SLC35E2B: variants seen among roughly 807,000 people sequenced by gnomAD.
The protein encoded by SLC35E2B is solute carrier family 35, member E2B.
Under a neutral mutation model 32.4 loss-of-function variants are expected in SLC35E2B, and 18 were observed. The ratio of observed to expected loss-of-function variants is 0.56; its 90% CI spans 0.38 to 0.82. SLC35E2B has a LOEUF of 0.82. Among genes scored for constraint, SLC35E2B ranks in the 40% least tolerant of loss-of-function variants. The pLI is 0.00. For synonymous variants in SLC35E2B, 132 were observed against 209.1 expected, an observed-to-expected ratio of 0.63 and a Z score of 3.18; for missense variants, 263 against 469.5, an observed-to-expected ratio of 0.56 and a Z score of 4.06.
At position 1,669,669 on chromosome 1, in the gene SLC35E2B, AG is replaced by A; in HGVS notation, c.828del (p.Phe277LeufsTer6). The A allele has an allele frequency of 6.6e-7, 1 of 1,525,456 alleles. No homozygotes were observed. The highest frequency in any genetic ancestry group is 8.9e-7 in the Non-Finnish European group (1 of 1,127,006). The allele number at this position is 1,525,456 out of a possible 1,614,324, so 94.5% of individuals were successfully genotyped here. ...AVAMLVPARV[F>X]FTDVPVIGRS... ...CGCCTGTGTCTGAAACCCACCGTAA[AG>A]AAAACCCGGGCCGGGACGAGCATGG... On this transcript the variant is annotated frameshift_variant, in exon 8 of 10. Transcript: ENST00000617444. LOFTEE classifies it high-confidence loss of function.
intron 5 of SLC35E2B, among the ~76,000 whole-genome samples, chr1:1,674,919 A>T (rs1643803502): frequency 6.6e-6 from 1 of 152,136 alleles, no homozygotes; most frequent in South Asian, 2.1e-4. Flanking sequence ...CACACTGGGT[A>T]CGCGACATGG....
At position 1,671,583 on chromosome 1, in the gene SLC35E2B, C is replaced by T. The variant is rs148316744; in HGVS notation, c.633G>A (p.Ala211=). The T allele has an allele frequency of 1.7e-4, 257 of 1,549,090 alleles. 1 individual carries two copies. Among genetic ancestry groups the T allele is most frequent in the Non-Finnish European group, 6.0e-5 (69 of 1,145,976 alleles). Residue 211 remains alanine (A), a synonymous_variant, in exon 6 of 10, where the codon GCG becomes GCA. Coordinates refer to ENST00000617444, the MANE Select transcript of SLC35E2B (RefSeq NM_001290264.2). ...LSLIPVMGGL[A]LCTATEISFN... ...AGCTGATCTCAGTGGCCGTGCACAG[C>T]GCCAGCCCGCCCATGACTGGGATGA...
At position 1,671,533 on chromosome 1, in the gene SLC35E2B, G is replaced by A. The variant is rs1399062753; in HGVS notation, c.683C>T (p.Ala228Val). The change falls in exon 6 of 10, where the codon GCA (alanine) becomes GTA (valine). Residue 228 changes from alanine to valine, a missense_variant. Transcript: ENST00000617444. ...CCAGTCCATGATGTTGGTGGACAGT[G>A]CGGCCGAGAACCCCAGGACATTGAA... ...ISFNVLGFSA[A>V]LSTNIMDCLQ... 6.5e-6 allele frequency: 10 copies of A among 1,548,366 alleles called. No individual in the cohort carries two copies. In the South Asian group the frequency reaches 7.2e-5, roughly 11 times the overall value.
At chr1:1,683,892 A>T (rs779635367) in intron 2 of SLC35E2B, among the ~76,000 whole-genome samples, 1 of 152,158 alleles carries the variant, frequency 6.6e-6, no homozygotes, top group Non-Finnish European at 1.5e-5. Context: ...CAAGTGCAAA[A>T]CATCATGGTT....
At chr1:1,669,796 C>T (rs548283848) in intron 7 of SLC35E2B, 60 bp from the exon 8 acceptor site, 3 of 1,513,556 alleles carry the variant, frequency 2.0e-6, no homozygotes, top group Admixed American at 2.0e-5. Flanking sequence ...TCACACGCAG[C>T]TCCCTCACAG....
chr1:1,683,082 A>G (rs1218945989), intron 2 of SLC35E2B, among the ~76,000 whole-genome samples: 2 of 152,040 alleles, frequency 1.3e-5, no homozygotes, highest in Non-Finnish European at 2.9e-5. Flanking sequence ...GTCTCCAAAA[A>G]CAAACAAATA....
chr1:1,665,710 A>C lies in SLC35E2B; in HGVS notation c.*72T>G, dbSNP rs1200759396. ...GTCCTGCACCCCAGCAGGGCCATGG[A>C]GGAGGGCGTCCCTGCCCATTTCTGG... On this transcript the variant is annotated 3_prime_UTR_variant, in exon 10 of 10. Coordinates refer to ENST00000617444, the MANE Select transcript of SLC35E2B (RefSeq NM_001290264.2). 2.0e-6 allele frequency: 3 copies of C among 1,521,284 alleles called. No homozygotes were observed. Among genetic ancestry groups the C allele is most frequent in the Non-Finnish European group, 2.7e-6 (3 of 1,129,172 alleles). 94.2% of individuals were successfully genotyped at this position (1,521,284 alleles called of 1,614,324 possible). A position where few individuals can be genotyped will look rare whatever the true frequency, so the allele number is the denominator to read the frequency against.
rs948759389 is a variant in SLC35E2B at position 1,666,074 on chromosome 1, C to T, written c.981-55G>A. On this transcript the variant is annotated intron_variant, in intron 9 of 9. Coordinates refer to ENST00000617444, the MANE Select transcript of SLC35E2B (RefSeq NM_001290264.2). ...GCTCAGGGCTATGGTCTCCTCAGCC[C>T]GTGGCCAGCAGCTCGGCTGAGCCTG... The T allele has an allele frequency of 1.9e-5, 29 of 1,507,798 alleles. No homozygotes were observed. In the East Asian group the frequency reaches 3.5e-4, roughly 18 times the overall value. 93.4% of individuals were successfully genotyped at this position (1,507,798 alleles called of 1,614,324 possible).
chr1:1,662,855 T>G lies in SLC35E2B; in HGVS notation c.*2927A>C, dbSNP rs1061892. The G allele has an allele frequency of 4.1e-5, 33 of 802,990 alleles. 6 individuals carry two copies. The highest frequency in any genetic ancestry group is 6.6e-5 in the Admixed American group (1 of 15,238). 49.7% of individuals were successfully genotyped at this position (802,990 alleles called of 1,614,324 possible). ...CACACCCAGTGGAAGTAACCACACC[T>G]GGTGTGTTCCTAGAAGCTCACCTGT... is the stretch of plus-strand genomic sequence containing the variant. On this transcript the variant is annotated 3_prime_UTR_variant, in exon 10 of 10. Transcript: ENST00000617444.
chr1:1,671,454 A>G (rs1451189306), intron 6 of SLC35E2B, 55 bp downstream of exon 6: 1 of 1,360,338 alleles, frequency 7.4e-7, no homozygotes, highest in African/African-American at 1.5e-5. Flanking sequence ...GCACACCCAG[A>G]TGCAGGTGAG....
Position 1,665,659 on chromosome 1 carries a change from A to G in SLC35E2B, c.*123T>C. On this transcript the variant is annotated 3_prime_UTR_variant, in exon 10 of 10. Coordinates refer to ENST00000617444, the MANE Select transcript of SLC35E2B (RefSeq NM_001290264.2). ...TTCACCGACAAACCGAGAAAGCCGCAGGCAATGGCCAACTTAGCTCCCCAT... is the reference window on the plus strand; with the variant it reads ...TTCACCGACAAACCGAGAAAGCCGCGGGCAATGGCCAACTTAGCTCCCCAT... The G allele has an allele frequency of 7.1e-7, 1 of 1,410,120 alleles. No individual in the cohort carries two copies. Among genetic ancestry groups the G allele is most frequent in the South Asian group, 1.5e-5 (1 of 68,122 alleles). The allele number at this position is 1,410,120 out of a possible 1,614,324, so 87.4% of individuals were successfully genotyped here. A position where few individuals can be genotyped will look rare whatever the true frequency, so the allele number is the denominator to read the frequency against.
At chr1:1,685,967 G>T (rs1422227298) in intron 2 of SLC35E2B, among the ~76,000 whole-genome samples, 1 of 151,918 alleles carries the variant, frequency 6.6e-6, no homozygotes, top group African/African-American at 2.4e-5. Flanking sequence ...GAGTAGCTGG[G>T]ATTACAGGCA....
Position 1,663,801 on chromosome 1 carries a change from G to A in SLC35E2B, c.*1981C>T, listed in dbSNP as rs1643469245. ...AGTTTTTGAGGAAAGCAGAAAAAAA[G>A]AAATGGAAATCCGGGGAAAGTCACG... is the stretch of plus-strand genomic sequence containing the variant. On this transcript the variant is annotated 3_prime_UTR_variant, in exon 10 of 10. Coordinates refer to ENST00000617444, the MANE Select transcript of SLC35E2B (RefSeq NM_001290264.2). 1.1e-6 allele frequency: 1 copy of A among 905,556 alleles called. No homozygotes were observed. Among genetic ancestry groups the A allele is most frequent in the Non-Finnish European group, 1.3e-6 (1 of 756,744 alleles). The allele number at this position is 905,556 out of a possible 1,614,324, so 56.1% of individuals were successfully genotyped here.
intron 2 of SLC35E2B, among the ~76,000 whole-genome samples, chr1:1,679,008 C>T (rs61776791): frequency 0.012 from 1,854 of 152,240 alleles, 13 homozygotes; most frequent in Middle Eastern, 0.02. Flanking sequence ...TCATGGCAGG[C>T]GTGGATCTCA....
At position 1,677,776 on chromosome 1, in the gene SLC35E2B, C is replaced by T. The variant is rs966501926; in HGVS notation, c.-147-930G>A. 3.4e-4 allele frequency among the ~76,000 whole-genome samples: 52 copies of T among 152,078 alleles called. 1 individual carries two copies. The highest frequency in any genetic ancestry group is 4.0e-4 in the Non-Finnish European group (27 of 67,992). On this transcript the variant is annotated intron_variant, in intron 2 of 9. Coordinates refer to ENST00000617444, the MANE Select transcript of SLC35E2B (RefSeq NM_001290264.2). ...TCCATGCTACTTTCTAGACAGACTCCGTGGTATAAAACCACACTTACACCC... is the reference window on the plus strand; with the variant it reads ...TCCATGCTACTTTCTAGACAGACTCTGTGGTATAAAACCACACTTACACCC...
rs920896002 is a variant in SLC35E2B, at chr1:1,662,595, T to A, written c.*3187A>T. 1.4e-5 allele frequency: 12 copies of A among 881,964 alleles called. 2 individuals carry two copies. In the Admixed American group the frequency reaches 7.8e-4, roughly 58 times the overall value. The allele number at this position is 881,964 out of a possible 1,614,324, so 54.6% of individuals were successfully genotyped here. ...TCACAAATTAAAGACACATTTTGGG[T>A]TGTGCAACAGTGTTCTCATCTTTCC... On this transcript the variant is annotated 3_prime_UTR_variant, in exon 10 of 10. Coordinates refer to ENST00000617444, the MANE Select transcript of SLC35E2B (RefSeq NM_001290264.2).
chr1:1,665,995 G>C lies in SLC35E2B; in HGVS notation c.1005C>G (p.Ala335=), dbSNP rs1235410615. ...CGATTACGCTGAGCCAGATGGACAAGGCATGTTTCACGGTGCTGGCGACGC... is the reference window on the plus strand; with the variant it reads ...CGATTACGCTGAGCCAGATGGACAACGCATGTTTCACGGTGCTGGCGACGC... ...TFSVASTVKH[A]LSIWLSVIVF... The change falls in exon 10 of 10, where the codon GCC becomes GCG. Residue 335 remains alanine (A), a synonymous_variant. Transcript: ENST00000617444. 29 of 1,551,442 alleles carry C rather than the reference G, an allele frequency of 1.9e-5. No homozygotes were observed. In the East Asian group the frequency reaches 4.6e-4, roughly 25 times the overall value.
intron 2 of SLC35E2B, among the ~76,000 whole-genome samples, chr1:1,687,355 T>G (rs1327265032): frequency 1.3e-5 from 2 of 152,066 alleles, no homozygotes; most frequent in Admixed American, 1.3e-4. Context: ...GGCAGGCGGA[T>G]TACCCGAGCT....
Position 1,665,804 on chromosome 1 carries a change from T to C in SLC35E2B, c.1196A>G (p.Gln399Arg). The C allele has an allele frequency of 6.4e-7, 1 of 1,550,862 alleles. No homozygotes were observed. The highest frequency in any genetic ancestry group is 8.7e-7 in the Non-Finnish European group (1 of 1,146,912). ...PDDTVEPLLP[Q>R]DPRQHP is the part of the protein sequence containing the mutation. Reference sequence around the variant, plus strand: ...CTCTCAGGGATGCTGCCTGGGGTCCTGTGGAAGCAGCGGCTCCACTGTGTC... The same window carrying C: ...CTCTCAGGGATGCTGCCTGGGGTCCCGTGGAAGCAGCGGCTCCACTGTGTC... The change falls in exon 10 of 10, where the codon CAG (glutamine) becomes CGG (arginine). Residue 399 changes from glutamine to arginine, a missense_variant. Gln to Arg is a conservative substitution (Grantham distance 43). Around this residue, in one of 7 missense-constraint regions of SLC35E2B, gnomAD observed 78 missense variants for 71.1 expected, o/e 1.10. Transcript: ENST00000617444.
Sources: gnomAD v4.1 joint callset for allele counts (sites outside exome capture counted in the v4.1 genomes callset) on GRCh38, gnomAD v4.1.1 for gene constraint, gnomAD v4.1.1 regional missense constraint, MANE v1.5 for transcripts, NCBI Gene and HGNC (gene_info 2026-07-23, HGNC 2026-07-21) for gene names.